Variants in KIAA1328 observed in about 807,000 individuals in gnomAD.
The protein encoded by KIAA1328 is protein hinderin.
A neutral mutation model predicts 68.1 loss-of-function variants in KIAA1328; 52 were observed. The ratio of observed to expected loss-of-function variants is 0.76; its 90% CI spans 0.61 to 0.96. The LOEUF (loss-of-function observed/expected upper bound fraction) is 0.96. Among genes scored for constraint, KIAA1328 ranks in the 40% least tolerant of loss-of-function variants. The pLI is 0.00. For synonymous variants in KIAA1328, 232 were observed against 239.4 expected (o/e 0.97, Z 0.28); for missense variants, 641 against 677.6 (o/e 0.95, Z 0.60).
At chr18:36,901,056 T>C (rs1819923474) in intron 5 of KIAA1328, among the ~76,000 whole-genome samples, 1 of 152,052 alleles carries the variant, frequency 6.6e-6, no homozygotes, top group African/African-American at 2.4e-5. Context: ...AAGAGGTGAA[T>C]CTTGATAAAT....
At chr18:36,995,105 C>T (rs944418727) in intron 6 of KIAA1328, among the ~76,000 whole-genome samples, 2 of 152,134 alleles carry the variant, frequency 1.3e-5, no homozygotes, top group Non-Finnish European at 2.9e-5. Context: ...TATCTCTCGC[C>T]TAGCCTCCCA....
intron 6 of KIAA1328, among the ~76,000 whole-genome samples, chr18:37,022,688 C>T (rs1327883392): frequency 1.3e-5 from 2 of 152,078 alleles, no homozygotes; most frequent in African/African-American, 4.8e-5. Context: ...AATCTAGAGA[C>T]CTATCATAGT....
chr18:37,051,969 G>A (rs954805276), intron 6 of KIAA1328, among the ~76,000 whole-genome samples: 3 of 152,000 alleles, frequency 2.0e-5, no homozygotes, highest in South Asian at 2.1e-4. Context: ...TTGAAACTAG[G>A]AGGTGGAGGT....
In KIAA1328 at chr18:37,143,521, C is replaced by CTTTTTTTTTTTTTT. The variant is rs57046567; in HGVS notation, c.1233-16670_1233-16657dup. On this transcript the variant is annotated intron_variant, in intron 7 of 9. Coordinates refer to ENST00000280020, the MANE Select transcript of KIAA1328 (RefSeq NM_020776.3). ...CCAAGCTTTATGCCTTTTTTTCTTTCTTTTTTTTTTTTTTTTTTTTTTGCT... is the reference window on the plus strand; with the variant it reads ...CCAAGCTTTATGCCTTTTTTTCTTTCTTTTTTTTTTTTTTTTTTTTTTTTTTTTTTTTTTTTGCT... 9.1e-3 allele frequency among the ~76,000 whole-genome samples: 822 copies of CTTTTTTTTTTTTTT among 90,752 alleles called. 3 individuals carry two copies. The highest frequency in any genetic ancestry group is 0.02 in the African/African-American group (420 of 20,794). The allele number at this position is 90,752 out of a possible 152,430, so 59.5% of individuals were successfully genotyped here. A position where few individuals can be genotyped will look rare whatever the true frequency, so the allele number is the denominator to read the frequency against.
At chr18:37,002,228 CTTTTTTTTT>C (rs145948250) in intron 6 of KIAA1328, among the ~76,000 whole-genome samples, 1 of 95,164 alleles carries the variant, frequency 1.1e-5, no homozygotes, top group South Asian at 4.0e-4. Context: ...ATTTTTTTTT[CTTTTTTTTT>C]TTTTTTTTTT....
chr18:37,080,735 G>A (rs186692661), intron 7 of KIAA1328, among the ~76,000 whole-genome samples: 63 of 150,290 alleles, frequency 4.2e-4, no homozygotes, highest in African/African-American at 1.4e-3. Context: ...AGCCGAGATC[G>A]CGCCACTTCA....
At chr18:36,983,739 T>C (rs1220078604) in intron 6 of KIAA1328, among the ~76,000 whole-genome samples, 2 of 152,012 alleles carry the variant, frequency 1.3e-5, no homozygotes, top group Admixed American at 6.6e-5. Context: ...TTCCAGAAAA[T>C]TATAGAAGAG....
intron 6 of KIAA1328, among the ~76,000 whole-genome samples, chr18:37,050,987 G>A (rs568643363): frequency 6.6e-6 from 1 of 152,154 alleles, no homozygotes; most frequent in Non-Finnish European, 1.5e-5. Flanking sequence ...TTTTACAAAT[G>A]ACTAAACATG....
At chr18:37,115,666 GC>G (rs1446293917) in intron 7 of KIAA1328, among the ~76,000 whole-genome samples, 2 of 152,170 alleles carry the variant, frequency 1.3e-5, no homozygotes, top group Non-Finnish European at 2.9e-5. Flanking sequence ...TCTGGCCTGG[GC>G]AATCAGGCTG....
At chr18:36,957,298 C>T (rs1013876429) in intron 5 of KIAA1328, among the ~76,000 whole-genome samples, 3 of 152,064 alleles carry the variant, frequency 2.0e-5, no homozygotes, top group African/African-American at 7.2e-5. Context: ...GAATAAATCC[C>T]ATTGGATAGT....
intron 4 of KIAA1328, among the ~76,000 whole-genome samples, chr18:36,879,941 G>T (rs1176559109): frequency 6.6e-6 from 1 of 152,202 alleles, no homozygotes. Flanking sequence ...AGAATTTCAA[G>T]CCGGTGGATC....
intron 5 of KIAA1328, among the ~76,000 whole-genome samples, chr18:36,949,597 T>TCCCCCCCCC (rs71168248): frequency 1.5e-3 from 88 of 57,342 alleles, no homozygotes; most frequent in East Asian, 2.3e-3. Context: ...TCTACCCAGC[T>TCCCCCCCCC]CCCCCCCCCC....
At chr18:36,895,881 T>C in intron 5 of KIAA1328, 1 of 423,488 alleles carries the variant, frequency 2.4e-6, no homozygotes, top group Non-Finnish European at 4.8e-6. Flanking sequence ...CACGTTGTCC[T>C]GTGTGAGGCC....
intron 3 of KIAA1328, among the ~76,000 whole-genome samples, chr18:36,837,375 T>G (rs541224535): frequency 6.6e-6 from 1 of 152,312 alleles, no homozygotes; most frequent in Non-Finnish European, 1.5e-5. Context: ...ATGTGCTTCT[T>G]GGCTATTTGT....
At chr18:36,945,236 A>G (rs2050857223) in intron 5 of KIAA1328, among the ~76,000 whole-genome samples, 1 of 152,210 alleles carries the variant, frequency 6.6e-6, no homozygotes, top group Admixed American at 6.5e-5. Flanking sequence ...AATGGAGGGT[A>G]AAACAAAAAA....
intron 5 of KIAA1328, among the ~76,000 whole-genome samples, chr18:36,954,757 C>T (rs557951756): frequency 1.3e-3 from 193 of 146,640 alleles, no homozygotes; most frequent in Non-Finnish European, 2.1e-3. Flanking sequence ...TGCAGTGTTG[C>T]GATCTCAACT....
At chr18:36,988,298 G>A (rs2151401145) in intron 6 of KIAA1328, among the ~76,000 whole-genome samples, 1 of 152,258 alleles carries the variant, frequency 6.6e-6, no homozygotes, top group South Asian at 2.1e-4. Context: ...GATTGAAGAA[G>A]CCCTGTAAAA....
intron 3 of KIAA1328, among the ~76,000 whole-genome samples, chr18:36,836,425 A>G (rs117971615): frequency 0.012 from 1,844 of 152,292 alleles, 6 homozygotes; most frequent in Non-Finnish European, 0.02. Flanking sequence ...TAGAGATTAT[A>G]GTATACATCT....
At chr18:37,208,397 G>A (rs1186769899) in intron 9 of KIAA1328, among the ~76,000 whole-genome samples, 3 of 152,184 alleles carry the variant, frequency 2.0e-5, no homozygotes, top group Non-Finnish European at 2.9e-5. Flanking sequence ...TGAATTGAGA[G>A]AAGGTCAAAA....
Sources: gnomAD v4.1 joint callset for allele counts (sites outside exome capture counted in the v4.1 genomes callset) on GRCh38, gnomAD v4.1.1 for gene constraint, MANE v1.5 for transcripts, NCBI Gene and HGNC (gene_info 2026-07-23, HGNC 2026-07-21) for gene names.